The following SYN2 variants were observed in gnomAD, a reference collection of about 807,000 sequenced individuals.
The protein encoded by SYN2 is synapsin II.
Under a neutral mutation model 50.9 loss-of-function variants are expected in SYN2, and 19 were observed. The ratio of observed to expected loss-of-function variants is 0.37; its 90% CI spans 0.26 to 0.55. The LOEUF is 0.55. Among genes scored for constraint, SYN2 ranks in the 20% least tolerant of loss-of-function variants. The pLI is 0.81. For missense variants in SYN2, 587 were observed against 576.4 expected (o/e 1.02, Z -0.19); for synonymous variants, 255 against 224.9 (o/e 1.13, Z -1.20).
Position 12,111,825 on chromosome 3 carries a change from G to A in SYN2, c.378-28826G>A, listed in dbSNP as rs188091073. ...CTAGGGATATTGACTACTGTTCCAC[G>A]TTGACAAATTAGAGAATCCTTGGCT... On this transcript the variant is annotated intron_variant, in intron 1 of 12. Coordinates refer to ENST00000621198, the MANE Select transcript of SYN2 (RefSeq NM_133625.6). Among the ~76,000 whole-genome samples the A allele has an allele frequency of 1.3e-4, 20 of 152,272 alleles. No homozygotes were observed. In the East Asian group the frequency reaches 2.7e-3, roughly 21 times the overall value.
At chr3:12,082,576 C>G (rs1695604566) in intron 1 of SYN2, among the ~76,000 whole-genome samples, 1 of 152,198 alleles carries the variant, frequency 6.6e-6, no homozygotes, top group Non-Finnish European at 1.5e-5. Flanking sequence ...AACTTCAGAA[C>G]TAGGCTGACT....
At chr3:12,156,023 G>A (rs1420736412) in intron 5 of SYN2, among the ~76,000 whole-genome samples, 6 of 152,126 alleles carry the variant, frequency 3.9e-5, no homozygotes, top group Admixed American at 3.9e-4. Context: ...GCCATGTCTG[G>A]ACAGTGAACT....
chr3:12,158,179 G>T (rs1370473737), intron 5 of SYN2, among the ~76,000 whole-genome samples: 1 of 152,166 alleles, frequency 6.6e-6, no homozygotes, highest in African/African-American at 2.4e-5. Flanking sequence ...GCAGAGAAGG[G>T]GAGAGACCTA....
intron 2 of SYN2, 74 bp from the exon 3 acceptor site, chr3:12,141,831 G>C: frequency 1.3e-6 from 1 of 765,982 alleles, no homozygotes; most frequent in Non-Finnish European, 2.4e-6. Context: ...TGGTGGTAGG[G>C]ATGTTGCTGC....
intron 1 of SYN2, among the ~76,000 whole-genome samples, chr3:12,086,987 C>G (rs373766392): frequency 2.6e-5 from 4 of 152,048 alleles, no homozygotes; most frequent in African/African-American, 9.7e-5. Flanking sequence ...ACTATTCGAA[C>G]TGATAAATGA....
At position 12,169,891 on chromosome 3, in the gene SYN2, A is replaced by C; in HGVS notation, c.1293A>C (p.Thr431=). The change falls in exon 10 of 13, where the codon ACA becomes ACC. Residue 431 remains threonine, a synonymous_variant. Transcript: ENST00000621198. ...TPALSPQRPL[T]TQQPQSGTLK... is the part of the protein sequence containing the mutation. ...CCCTGTCTCCTCAGAGACCCCTAAC[A>C]ACCCAGCAGCCACAGGTAAGCAGCT... 6.2e-7 allele frequency: 1 copy of C among 1,610,062 alleles called. No individual in the cohort carries two copies. Among genetic ancestry groups the C allele is most frequent in the Non-Finnish European group, 8.5e-7 (1 of 1,178,214 alleles).
At chr3:12,056,624 G>T (rs1191607943) in intron 1 of SYN2, among the ~76,000 whole-genome samples, 2 of 152,114 alleles carry the variant, frequency 1.3e-5, no homozygotes, top group Non-Finnish European at 2.9e-5. Flanking sequence ...CTGTTATCTT[G>T]ACATTCAAAA....
chr3:12,020,162 A>AT (rs1298971194), intron 1 of SYN2, among the ~76,000 whole-genome samples: 5 of 152,192 alleles, frequency 3.3e-5, no homozygotes, highest in East Asian at 1.9e-4. Context: ...AGGAAAGAGG[A>AT]TTTTCACTCC....
chr3:12,140,553 G>A (rs1264031367), intron 1 of SYN2, 98 bp from the exon 2 acceptor site: 1 of 713,808 alleles, frequency 1.4e-6, no homozygotes, highest in African/African-American at 1.8e-5. Flanking sequence ...CCTCATTCTG[G>A]AGATCTGTCT....
chr3:12,189,863 A>C (rs1425540189), intron 12 of SYN2, among the ~76,000 whole-genome samples: 4 of 152,210 alleles, frequency 2.6e-5, no homozygotes, highest in Non-Finnish European at 5.9e-5. Flanking sequence ...GTTTTGAGCC[A>C]AGCCAATATA....
At chr3:12,060,684 G>A (rs1472298181) in intron 1 of SYN2, among the ~76,000 whole-genome samples, 2 of 152,080 alleles carry the variant, frequency 1.3e-5, no homozygotes, top group African/African-American at 4.8e-5. Context: ...CATACAAACA[G>A]GGACACTGGA....
chr3:12,145,652 G>A (rs750556441), intron 3 of SYN2, 27 bp from the exon 4 acceptor site: 10 of 1,610,366 alleles, frequency 6.2e-6, no homozygotes, highest in South Asian at 1.1e-5. Flanking sequence ...CTGGTTAATG[G>A]CAAACCTGCC....
intron 1 of SYN2, among the ~76,000 whole-genome samples, chr3:12,067,993 A>G (rs1207434613): frequency 6.6e-6 from 1 of 152,206 alleles, no homozygotes; most frequent in East Asian, 1.9e-4. Context: ...TGGGAGGTCA[A>G]AGATGCAGTG....
At chr3:12,176,542 A>T (rs1415867097) in intron 10 of SYN2, among the ~76,000 whole-genome samples, 2 of 152,194 alleles carry the variant, frequency 1.3e-5, no homozygotes, top group Non-Finnish European at 2.9e-5. Context: ...GGAAGCATTC[A>T]TATACATTTG....
intron 1 of SYN2, among the ~76,000 whole-genome samples, chr3:12,039,553 T>A (rs1694568202): frequency 2.4e-5 from 1 of 41,552 alleles, no homozygotes; most frequent in Admixed American, 2.9e-4. Flanking sequence ...GCAAAGATTT[T>A]TTTTTTTTTT....
At chr3:12,015,487 CGTT>C (rs1358055407) in intron 1 of SYN2, among the ~76,000 whole-genome samples, 4 of 152,156 alleles carry the variant, frequency 2.6e-5, no homozygotes, top group Admixed American at 1.3e-4. Flanking sequence ...AAAAGCAACT[CGTT>C]GGTTCCCTGT....
intron 1 of SYN2, among the ~76,000 whole-genome samples, chr3:12,115,249 C>T (rs962653621): frequency 1.4e-4 from 21 of 152,116 alleles, no homozygotes; most frequent in Admixed American, 5.2e-4. Context: ...TCCGGTTTAT[C>T]ATTAGTACTG....
chr3:12,049,306 G>T (rs1694805978), intron 1 of SYN2, among the ~76,000 whole-genome samples: 1 of 151,984 alleles, frequency 6.6e-6, no homozygotes, highest in Non-Finnish European at 1.5e-5. Context: ...ATCACCTGAG[G>T]TCAGGAGTTC....
chr3:12,170,111 A>G (rs1418819481), intron 10 of SYN2, among the ~76,000 whole-genome samples: 1 of 152,090 alleles, frequency 6.6e-6, no homozygotes, highest in Non-Finnish European at 1.5e-5. Context: ...CTTCTCAGCA[A>G]TCTGCAATAT....
Sources: gnomAD v4.1 joint callset for allele counts (sites outside exome capture counted in the v4.1 genomes callset) on GRCh38, gnomAD v4.1.1 for gene constraint, MANE v1.5 for transcripts, NCBI Gene and HGNC (gene_info 2026-07-23, HGNC 2026-07-21) for gene names.